The following NEMP2 variants were observed in gnomAD, a reference collection of about 807,000 sequenced individuals.
NEMP2 encodes the protein UPF0571 transmembrane protein.
Under a neutral mutation model 54.2 loss-of-function variants are expected in NEMP2, and 53 were observed. That is an observed-to-expected ratio of 0.98 (90% CI 0.78 to 1.23). NEMP2 has a LOEUF of 1.23. Among genes scored for constraint, NEMP2 ranks in the 50% most tolerant of loss-of-function variants. The pLI is 0.00. For missense variants in NEMP2, 455 were observed against 511.3 expected (o/e 0.89, Z 1.06); for synonymous variants, 197 against 190.3 (o/e 1.04, Z -0.29).
downstream of NEMP2, chr2:190,499,791 G>T: frequency 6.6e-7 from 1 of 1,504,660 alleles, no homozygotes; most frequent in Non-Finnish European, 8.9e-7. This position sits in a 1 kb window ranked among gnomAD's most constrained non-coding sequence, Gnocchi z 6.0. Context: ...CACAAGACAC[G>T]TCTGCTTATA....
the NEMP2 span, among the ~76,000 whole-genome samples, chr2:190,463,456 C>T: frequency 6.6e-6 from 1 of 152,080 alleles, no homozygotes; most frequent in Admixed American, 6.6e-5. This position sits in a 1 kb window ranked among gnomAD's most constrained non-coding sequence, Gnocchi z 4.4. Flanking sequence ...ACTCTGCCTA[C>T]TCTAGGAAGA....
the NEMP2 span, among the ~76,000 whole-genome samples, chr2:190,603,822 T>G: frequency 1.3e-5 from 2 of 152,052 alleles, no homozygotes; most frequent in East Asian, 3.9e-4. Flanking sequence ...TGTCAAATAT[T>G]GGAAACCAAC....
chr2:190,572,121 A>G, the NEMP2 span, among the ~76,000 whole-genome samples: 1 of 152,158 alleles, frequency 6.6e-6, no homozygotes, highest in Non-Finnish European at 1.5e-5. Flanking sequence ...GTTCCCACAA[A>G]TAGAGAAGGT....
chr2:190,502,533 T>C (rs1048105768), downstream of NEMP2, among the ~76,000 whole-genome samples: 2 of 152,222 alleles, frequency 1.3e-5, no homozygotes, highest in African/African-American at 4.8e-5. The surrounding 1 kb of genome is among the most constrained non-coding windows in gnomAD (Gnocchi z 4.4). Context: ...TAGATTATAA[T>C]ACATACATTG....
At chr2:190,502,775 C>T (rs934762365), downstream of NEMP2, among the ~76,000 whole-genome samples, 2 of 152,232 alleles carry the variant, frequency 1.3e-5, no homozygotes, top group Admixed American at 1.3e-4. The surrounding 1 kb of genome is among the most constrained non-coding windows in gnomAD (Gnocchi z 4.4). Flanking sequence ...AAGGGAACCA[C>T]ATCCGTGGAT....
the NEMP2 span, among the ~76,000 whole-genome samples, chr2:190,468,758 C>A: frequency 6.6e-6 from 1 of 151,818 alleles, no homozygotes; most frequent in African/African-American, 2.4e-5. Flanking sequence ...TACACTCAGT[C>A]AGGAATGATT....
chr2:190,498,734 A>AT, the NEMP2 span, among the ~76,000 whole-genome samples: 2 of 152,340 alleles, frequency 1.3e-5, no homozygotes, highest in African/African-American at 4.8e-5. The surrounding 1 kb of genome is among the most constrained non-coding windows in gnomAD (Gnocchi z 5.9). Context: ...AGAAAGGATG[A>AT]TTTTAATATC....
chr2:190,514,301 C>T lies in NEMP2; in HGVS notation c.953+152G>A, dbSNP rs1414059083. ...TGAAGATGGGATCAGATGCTTGGAG[C>T]TCTCTACCCCTACACCCCCAATCTT... On this transcript the variant is annotated intron_variant, in intron 7 of 8. Coordinates refer to ENST00000409150, the MANE Select transcript of NEMP2 (RefSeq NM_001142645.2). This position sits in a 1 kb window ranked among gnomAD's most constrained non-coding sequence, Gnocchi z 5.7. 6.6e-6 allele frequency among the ~76,000 whole-genome samples: 1 copy of T among 152,212 alleles called. No homozygotes were observed. Among genetic ancestry groups the T allele is most frequent in the Admixed American group, 6.5e-5 (1 of 15,278 alleles).
the NEMP2 span, among the ~76,000 whole-genome samples, chr2:190,470,737 G>T: frequency 1.3e-5 from 2 of 152,256 alleles, no homozygotes; most frequent in East Asian, 3.9e-4. Context: ...CATGATGAAA[G>T]ATTGAGAATT....
chr2:190,449,817 G>C, the NEMP2 span, among the ~76,000 whole-genome samples: 1 of 151,526 alleles, frequency 6.6e-6, no homozygotes, highest in Admixed American at 6.6e-5. Context: ...TGAACAATGA[G>C]AACACATGGA....
chr2:190,634,619 G>A, the NEMP2 span, among the ~76,000 whole-genome samples: 15 of 152,180 alleles, frequency 9.9e-5, no homozygotes, highest in Non-Finnish European at 7.3e-5. The surrounding 1 kb of genome is among the most constrained non-coding windows in gnomAD (Gnocchi z 6.8). Flanking sequence ...CTTTCATGAC[G>A]CACTGAAGAT....
the NEMP2 span, among the ~76,000 whole-genome samples, chr2:190,581,132 G>T: frequency 6.6e-6 from 1 of 152,160 alleles, no homozygotes. Flanking sequence ...CAGGAATTAT[G>T]CAAAAAGTTC....
At chr2:190,473,246 T>C in the NEMP2 span, among the ~76,000 whole-genome samples, 1 of 152,258 alleles carries the variant, frequency 6.6e-6, no homozygotes, top group South Asian at 2.1e-4. Context: ...ATATTAACCT[T>C]AAATATAAAT....
chr2:190,428,032 A>G, the NEMP2 span, among the ~76,000 whole-genome samples: 2 of 152,164 alleles, frequency 1.3e-5, no homozygotes, highest in African/African-American at 2.4e-5. Flanking sequence ...GTGCCCTGCC[A>G]TGTCTACCAC....
the NEMP2 span, among the ~76,000 whole-genome samples, chr2:190,486,407 T>C: frequency 3.3e-5 from 5 of 152,264 alleles, no homozygotes; most frequent in Non-Finnish European, 5.9e-5. Context: ...CCTATGATGC[T>C]ATCTCCTCTC....
chr2:190,613,935 T>A, the NEMP2 span, among the ~76,000 whole-genome samples: 1 of 132,670 alleles, frequency 7.5e-6, no homozygotes, highest in South Asian at 2.5e-4. Flanking sequence ...CATTAAAGAT[T>A]TTACTTAAGT....
At chr2:190,639,677 C>A in the NEMP2 span, among the ~76,000 whole-genome samples, 1 of 149,400 alleles carries the variant, frequency 6.7e-6, no homozygotes, top group Non-Finnish European at 1.5e-5. Context: ...TTGACGGAGT[C>A]TCACTCTGTC....
chr2:190,559,336 A>G, the NEMP2 span, among the ~76,000 whole-genome samples: 3 of 152,222 alleles, frequency 2.0e-5, no homozygotes, highest in Non-Finnish European at 4.4e-5. The surrounding 1 kb of genome is among the most constrained non-coding windows in gnomAD (Gnocchi z 4.0). Flanking sequence ...ACTGGATAGG[A>G]GAGTTGCAGC....
rs911002629 is a variant in NEMP2, at chr2:190,534,596, C to A, written c.60G>T (p.Leu20=). The part of the protein sequence containing the change: ...LLLWLPPLAT[L]PVRGEAAAAA... Reference sequence around the variant, plus strand: ...CCGCCGCCGCCTCCCCGCGCACGGGCAGTGTGGCCAGGGGCGGCAGCCAGA... The same window carrying A: ...CCGCCGCCGCCTCCCCGCGCACGGGAAGTGTGGCCAGGGGCGGCAGCCAGA... The change falls in exon 1 of 9, where the codon CTG becomes CTT. Residue 20 remains leucine, a synonymous_variant. Transcript: ENST00000409150. 7.2e-7 allele frequency: 1 copy of A among 1,394,712 alleles called. No individual in the cohort carries two copies. Among genetic ancestry groups the A allele is most frequent in the Non-Finnish European group, 9.3e-7 (1 of 1,079,524 alleles). The allele number at this position is 1,394,712 out of a possible 1,614,324, so 86.4% of individuals were successfully genotyped here. A position where few individuals can be genotyped will look rare whatever the true frequency, so the allele number is the denominator to read the frequency against.
Sources: gnomAD v4.1 joint callset for allele counts (sites outside exome capture counted in the v4.1 genomes callset) on GRCh38, gnomAD v4.1.1 for gene constraint, Gnocchi (gnomAD v3.1) non-coding constraint, MANE v1.5 for transcripts, NCBI Gene and HGNC (gene_info 2026-07-23, HGNC 2026-07-21) for gene names.